The following ARSB variants were observed in gnomAD, a reference collection of about 807,000 sequenced individuals.
ARSB encodes N-acetylgalactosamine-4-sulfatase.
Under a neutral mutation model 50.9 loss-of-function variants are expected in ARSB, and 41 were observed. The observed-to-expected ratio is 0.81, with a 90% CI of 0.63 to 1.04. The LOEUF (loss-of-function observed/expected upper bound fraction) is 1.04, where lower values mean the gene tolerates loss of function less well. Ranked by LOEUF, ARSB falls within the 50% of genes least tolerant of loss-of-function variation. The probability of loss-of-function intolerance (pLI) is 0.00; values close to 1 mark genes in which losing one functional copy is unlikely to be tolerated. For missense variants in ARSB, 672 were observed against 693.3 expected (o/e 0.97, Z 0.35); for synonymous variants, 269 against 284.8 (o/e 0.94, Z 0.56).
chr5:78,977,193 G>A (rs182075470), intron 1 of ARSB, among the ~76,000 whole-genome samples: 149 of 145,688 alleles, frequency 1.0e-3, no homozygotes, highest in African/African-American at 3.2e-3. Flanking sequence ...TTGCTCTGTT[G>A]CTCAGGCTGG....
At position 78,900,009 on chromosome 5, in the gene ARSB, T is replaced by C. The variant is rs902656756; in HGVS notation, c.899-14182A>G. 3.3e-5 allele frequency among the ~76,000 whole-genome samples: 5 copies of C among 152,198 alleles called. No individual in the cohort carries two copies. In the East Asian group the frequency reaches 7.7e-4, roughly 24 times the overall value. On this transcript the variant is annotated intron_variant, in intron 4 of 7. Coordinates refer to ENST00000264914, the MANE Select transcript of ARSB (RefSeq NM_000046.5). ...ACTAGATTGCTGCCTCCTTTTCGGC[T>C]CTAGGTGGCGCTATAAGCCCAGGTT...
At chr5:78,787,724 G>A (rs73770056) in intron 6 of ARSB, among the ~76,000 whole-genome samples, 20 of 152,282 alleles carry the variant, frequency 1.3e-4, no homozygotes, top group African/African-American at 4.6e-4. Flanking sequence ...ATGTTCAGAC[G>A]GGAAATAGTG....
At chr5:78,952,809 T>C (rs1308222587) in intron 4 of ARSB, among the ~76,000 whole-genome samples, 2 of 152,262 alleles carry the variant, frequency 1.3e-5, no homozygotes, top group African/African-American at 2.4e-5. Context: ...ATTGTCTAAT[T>C]GTGATCTCTA....
chr5:78,905,894 T>C lies in ARSB; in HGVS notation c.899-20067A>G, dbSNP rs1471830675. Among the ~76,000 whole-genome samples, 8 of 141,884 alleles carry C rather than the reference T, an allele frequency of 5.6e-5. No individual in the cohort carries two copies. In the East Asian group the frequency reaches 1.6e-3, roughly 29 times the overall value. 93.1% of individuals were successfully genotyped at this position (141,884 alleles called of 152,430 possible). A position where few individuals can be genotyped will look rare whatever the true frequency, so the allele number is the denominator to read the frequency against. ...GCACTTCTGCATAACTGAGGTTGCC[T>C]TTGGGAGCAAAGTAGCAAAAAAAAA... On this transcript the variant is annotated intron_variant, in intron 4 of 7. Transcript: ENST00000264914.
intron 6 of ARSB, among the ~76,000 whole-genome samples, chr5:78,786,933 C>T (rs1749095063): frequency 6.6e-6 from 1 of 151,870 alleles, no homozygotes; most frequent in South Asian, 2.1e-4. Context: ...ATATAGATAT[C>T]TCAGTTGTCT....
At chr5:78,875,351 C>T (rs1195444759) in intron 5 of ARSB, among the ~76,000 whole-genome samples, 1 of 152,058 alleles carries the variant, frequency 6.6e-6, no homozygotes, top group Non-Finnish European at 1.5e-5. Context: ...TAATTACATT[C>T]AAACATAAAT....
intron 6 of ARSB, among the ~76,000 whole-genome samples, chr5:78,808,657 C>T (rs962898226): frequency 1.3e-5 from 2 of 152,142 alleles, no homozygotes. Context: ...GAAGCACTCC[C>T]ACTAAAGCAT....
intron 4 of ARSB, 73 bp from the exon 5 acceptor site, chr5:78,885,900 T>C (rs1748012306): frequency 2.5e-6 from 4 of 1,605,538 alleles, no homozygotes; most frequent in Admixed American, 1.7e-5. Context: ...AGACTGTATG[T>C]ACATTGTTAC....
chr5:78,927,271 T>C (rs910112501), intron 4 of ARSB, among the ~76,000 whole-genome samples: 4 of 152,230 alleles, frequency 2.6e-5, no homozygotes, highest in Non-Finnish European at 5.9e-5. Flanking sequence ...TTTTTCATTA[T>C]TTTTTCATAT....
At chr5:78,851,265 G>C (rs1029012212) in intron 5 of ARSB, among the ~76,000 whole-genome samples, 11 of 152,130 alleles carry the variant, frequency 7.2e-5, no homozygotes, top group African/African-American at 2.7e-4. Flanking sequence ...TTGTGTCTTT[G>C]TTCTCGCTGG....
chr5:78,780,995 C>CA (rs1266015943), intron 7 of ARSB, among the ~76,000 whole-genome samples: 1 of 152,086 alleles, frequency 6.6e-6, no homozygotes, highest in Non-Finnish European at 1.5e-5. Flanking sequence ...CAATCCCAGT[C>CA]AAAAAAGACT....
intron 1 of ARSB, among the ~76,000 whole-genome samples, chr5:78,982,355 T>C (rs1027058063): frequency 2.6e-5 from 4 of 152,238 alleles, no homozygotes; most frequent in Non-Finnish European, 4.4e-5. Context: ...ACATGGAATA[T>C]AGGCAATTCC....
chr5:78,919,303 C>T (rs1459865903), intron 4 of ARSB, among the ~76,000 whole-genome samples: 3 of 152,122 alleles, frequency 2.0e-5, no homozygotes, highest in East Asian at 3.9e-4. Context: ...GCAACATCCC[C>T]GTGGTTCTTG....
chr5:78,811,338 G>C (rs1743798722), intron 6 of ARSB, among the ~76,000 whole-genome samples: 1 of 152,142 alleles, frequency 6.6e-6, no homozygotes, highest in Non-Finnish European at 1.5e-5. Flanking sequence ...TCTGTTCTGG[G>C]TAGAGAAGCT....
At chr5:78,797,685 G>A (rs962663362) in intron 6 of ARSB, among the ~76,000 whole-genome samples, 4 of 152,158 alleles carry the variant, frequency 2.6e-5, no homozygotes, top group African/African-American at 9.7e-5. Flanking sequence ...TTTGGGGTAA[G>A]GGTAGGAATC....
intron 1 of ARSB, among the ~76,000 whole-genome samples, chr5:78,980,734 A>G (rs61593351): frequency 0.42 from 63,621 of 150,808 alleles, 13,510 homozygotes; most frequent in Admixed American, 0.47. Flanking sequence ...AAGTGTGTGT[A>G]TGTGTGTGTG....
chr5:78,980,010 A>T (rs6867149), intron 1 of ARSB, among the ~76,000 whole-genome samples: 1 of 152,288 alleles, frequency 6.6e-6, no homozygotes, highest in South Asian at 2.1e-4. Context: ...AAGGACATCT[A>T]TTGTATTCCA....
chr5:78,931,486 A>G lies in ARSB; in HGVS notation c.898+23809T>C, dbSNP rs182060281. 1.9e-3 allele frequency among the ~76,000 whole-genome samples: 283 copies of G among 152,044 alleles called. 7 individuals are homozygous for G. Among genetic ancestry groups the G allele is most frequent in the Admixed American group, 0.016 (248 of 15,274 alleles). On this transcript the variant is annotated intron_variant, in intron 4 of 7. Transcript: ENST00000264914. ...TGCATATTCCTCACTTAGTGCCCCC[A>G]TCTTCCTCCAGCTGCCTGTCTCTGG...
chr5:78,931,209 G>A (rs547052498), intron 4 of ARSB, among the ~76,000 whole-genome samples: 1 of 152,282 alleles, frequency 6.6e-6, no homozygotes, highest in South Asian at 2.1e-4. Context: ...GTATTAGTCT[G>A]TTTTGGTTCT....
Sources: allele counts gnomAD v4.1 joint callset (sites outside exome capture counted in the v4.1 genomes callset), GRCh38; gene constraint gnomAD v4.1.1; transcripts MANE v1.5; gene names NCBI Gene and HGNC (gene_info 2026-07-23, HGNC 2026-07-21).